CELF2: variants seen among roughly 807,000 people sequenced by gnomAD.
CELF2 encodes CUGBP Elav-like family member 2.
Under a neutral mutation model 62.6 loss-of-function variants are expected in CELF2, and 8 were observed. The observed-to-expected ratio is 0.13, with a 90% CI of 0.07 to 0.23. The LOEUF (loss-of-function observed/expected upper bound fraction) is 0.23, where lower values mean the gene tolerates loss of function less well. CELF2 is among the 10% of genes least tolerant of loss of function. CELF2 has a pLI of 1.00. For synonymous variants in CELF2, 258 were observed against 250.0 expected (o/e 1.03, Z -0.30); for missense variants, 333 against 671.0 (o/e 0.50, Z 5.56).
intron 5 of CELF2, among the ~76,000 whole-genome samples, chr10:11,261,975 G>A (rs938947538): frequency 3.3e-5 from 5 of 152,132 alleles, no homozygotes; most frequent in Admixed American, 2.6e-4. Context: ...GGCTATTTAG[G>A]TACAGGGTTT....
At chr10:10,639,565 G>T in the CELF2 span, among the ~76,000 whole-genome samples, 1 of 152,080 alleles carries the variant, frequency 6.6e-6, no homozygotes, top group Non-Finnish European at 1.5e-5. Context: ...CTTCCTAAAT[G>T]ACTTTGGAAT....
the CELF2 span, among the ~76,000 whole-genome samples, chr10:10,611,085 A>C: frequency 6.6e-6 from 1 of 152,154 alleles, no homozygotes; most frequent in African/African-American, 2.4e-5. Flanking sequence ...GACAGATTGG[A>C]GAGCAACCCT....
At chr10:10,584,069 G>A in the CELF2 span, among the ~76,000 whole-genome samples, 4 of 152,142 alleles carry the variant, frequency 2.6e-5, no homozygotes, top group African/African-American at 4.8e-5. Context: ...TTGATAGAGC[G>A]ATTAGCAGGT....
At chr10:10,651,063 C>T in the CELF2 span, among the ~76,000 whole-genome samples, 36 of 151,736 alleles carry the variant, frequency 2.4e-4, 1 homozygote, top group Non-Finnish European at 2.7e-4. Context: ...ACTTGGGAAG[C>T]GCAAGGGGTC....
the CELF2 span, among the ~76,000 whole-genome samples, chr10:10,570,376 C>T: frequency 2.0e-5 from 3 of 152,162 alleles, no homozygotes; most frequent in East Asian, 5.8e-4. Context: ...TCAAGATGAA[C>T]TTAACAACCA....
At chr10:10,775,275 A>T in the CELF2 span, among the ~76,000 whole-genome samples, 1 of 152,226 alleles carries the variant, frequency 6.6e-6, no homozygotes, top group South Asian at 2.1e-4. Flanking sequence ...CAGAGGAACA[A>T]CCTTGGCCTG....
chr10:10,931,502 C>G lies in CELF2; in HGVS notation c.89+11503C>G, dbSNP rs1246158906. Among the ~76,000 whole-genome samples the G allele has an allele frequency of 6.6e-6, 1 of 152,146 alleles. No homozygotes were observed. The highest frequency in any genetic ancestry group is 6.5e-5 in the Admixed American group (1 of 15,282). On this transcript the variant is annotated intron_variant, in intron 2 of 13. Coordinates refer to the CELF2 transcript ENST00000636488. This position sits in a 1 kb window ranked among gnomAD's most constrained non-coding sequence, Gnocchi z 6.1. ...CCACAGTTATAGCATTTGAGACCCT[C>G]CCTCACCCAGATCCCAACCTGTGGA...
At chr10:11,121,917 A>G (rs1782982970) in intron 1 of CELF2, among the ~76,000 whole-genome samples, 1 of 152,144 alleles carries the variant, frequency 6.6e-6, no homozygotes, top group South Asian at 2.1e-4. Context: ...TGTACTCCTC[A>G]AGAAAGGGCT....
intron 1 of CELF2, among the ~76,000 whole-genome samples, chr10:11,129,127 T>A (rs1431137381): frequency 1.3e-5 from 2 of 152,220 alleles, no homozygotes. Context: ...CTGCATCTAT[T>A]GAGATAATCA....
the CELF2 span, among the ~76,000 whole-genome samples, chr10:10,625,312 C>G: frequency 2.0e-5 from 3 of 152,214 alleles, no homozygotes; most frequent in Admixed American, 6.5e-5. Flanking sequence ...AGAACGGCAA[C>G]AGCAACAGTC....
At chr10:11,279,489 A>G (rs1475640006) in intron 8 of CELF2, among the ~76,000 whole-genome samples, 1 of 152,166 alleles carries the variant, frequency 6.6e-6, no homozygotes, top group South Asian at 2.1e-4. Flanking sequence ...TGGTACATCC[A>G]CAAAGACTCA....
chr10:10,735,812 TAGAG>T, the CELF2 span, among the ~76,000 whole-genome samples: 2 of 152,300 alleles, frequency 1.3e-5, no homozygotes, highest in East Asian at 3.9e-4. Flanking sequence ...TCACCCTTCC[TAGAG>T]AAAGTTAAAC....
chr10:10,610,364 T>A, the CELF2 span, among the ~76,000 whole-genome samples: 1 of 152,212 alleles, frequency 6.6e-6, no homozygotes. Context: ...CTTAAAATGA[T>A]GCCAACTCAA....
chr10:10,761,724 C>T, the CELF2 span, among the ~76,000 whole-genome samples: 12 of 152,138 alleles, frequency 7.9e-5, no homozygotes, highest in African/African-American at 2.9e-4. Context: ...GAAACGTTAG[C>T]TCTGGGTCTT....
intron 11 of CELF2, 94 bp from the exon 12 acceptor site, chr10:11,325,742 C>T: frequency 3.5e-6 from 4 of 1,127,216 alleles, no homozygotes; most frequent in African/African-American, 1.6e-5. Context: ...CAACTAAATG[C>T]TTAGCCTACC....
At chr10:10,881,060 A>C (rs1051981778) in intron 1 of CELF2, among the ~76,000 whole-genome samples, 1 of 152,146 alleles carries the variant, frequency 6.6e-6, no homozygotes, top group African/African-American at 2.4e-5. Flanking sequence ...ATTCTTCCAG[A>C]AACTGTTTAA....
At chr10:10,815,543 G>T (rs1291707493) in intron 1 of CELF2, among the ~76,000 whole-genome samples, 1 of 152,094 alleles carries the variant, frequency 6.6e-6, no homozygotes, top group East Asian at 1.9e-4. Context: ...CAGCAAATGT[G>T]GTTTTCCATT....
At chr10:10,732,683 C>T in the CELF2 span, among the ~76,000 whole-genome samples, 1 of 152,152 alleles carries the variant, frequency 6.6e-6, no homozygotes, top group African/African-American at 2.4e-5. Context: ...ACCACCACGC[C>T]TGGCTAGTTT....
chr10:10,753,299 CTGTG>C, the CELF2 span, among the ~76,000 whole-genome samples: 26,219 of 149,774 alleles, frequency 0.18, 2,748 homozygotes, highest in South Asian at 0.3. Flanking sequence ...TTCCAAAGCT[CTGTG>C]TGTGTGTGTG....
Sources: gnomAD v4.1 joint callset for allele counts (sites outside exome capture counted in the v4.1 genomes callset) on GRCh38, gnomAD v4.1.1 for gene constraint, Gnocchi (gnomAD v3.1) non-coding constraint, MANE v1.5 for transcripts, NCBI Gene and HGNC (gene_info 2026-07-23, HGNC 2026-07-21) for gene names.